The following MAPT variants were observed in gnomAD, a reference collection of about 807,000 sequenced individuals.
The protein encoded by MAPT is microtubule-associated protein tau.
MAPT carries 34 observed loss-of-function variants against 67.9 expected under a neutral mutation model. The ratio of observed to expected loss-of-function variants is 0.50; its 90% CI spans 0.38 to 0.67. The LOEUF (loss-of-function observed/expected upper bound fraction) is 0.67, where lower values mean the gene tolerates loss of function less well. Ranked by LOEUF, MAPT falls within the 30% of genes least tolerant of loss-of-function variation. The pLI is 0.00. For missense variants in MAPT, 881 were observed against 1,115.2 expected (o/e 0.79, Z 2.99); for synonymous variants, 456 against 464.5 (o/e 0.98, Z 0.23).
At chr17:46,014,126 C>T in intron 10 of MAPT, 117 bp from the exon 11 acceptor site, 1 of 717,952 alleles carries the variant, frequency 1.4e-6, no homozygotes, top group East Asian at 2.7e-5. Flanking sequence ...TGGGCTTACA[C>T]AGCTGCTTCT....
chr17:45,920,750 G>A (rs1378413512), intron 1 of MAPT, among the ~76,000 whole-genome samples: 1 of 152,156 alleles, frequency 6.6e-6, no homozygotes, highest in Non-Finnish European at 1.5e-5. Flanking sequence ...TAACCATAGA[G>A]GACATTTCTG....
At position 45,899,872 on chromosome 17, in the gene MAPT, A is replaced by G. The variant is rs1353690873; in HGVS notation, c.-18+5186A>G. On this transcript the variant is annotated intron_variant, in intron 1 of 12. Transcript: ENST00000262410. ...TAAGGTCCTTAAACCTCTTCCCCCA[A>G]TCCAGGGTTTCTGGACTGCTCTGCC... Among the ~76,000 whole-genome samples, 4 of 152,048 alleles carry G rather than the reference A, an allele frequency of 2.6e-5. No homozygotes were observed. The East Asian group carries it at 5.8e-4, about 22-fold the overall frequency.
At chr17:45,992,631 G>A (rs967247181) in intron 8 of MAPT, among the ~76,000 whole-genome samples, 6 of 152,182 alleles carry the variant, frequency 3.9e-5, no homozygotes, top group African/African-American at 1.4e-4. Flanking sequence ...GCTCATGCCT[G>A]TAATCCCAGC....
chr17:45,922,520 G>C (rs1227437675), intron 1 of MAPT, among the ~76,000 whole-genome samples: 3 of 97,042 alleles, frequency 3.1e-5, no homozygotes, highest in Non-Finnish European at 7.4e-5. Context: ...CACACACACA[G>C]AGTGGTCTTA....
chr17:46,022,490 G>GA (rs113139571), intron 12 of MAPT, among the ~76,000 whole-genome samples: 1 of 151,712 alleles, frequency 6.6e-6, no homozygotes, highest in Non-Finnish European at 1.5e-5. Context: ...GCCCATTCAA[G>GA]CCCCTGCAAT....
rs183922637 is a variant in MAPT, at chr17:45,947,622, A to G, written c.-17-14699A>G. 3.3e-3 allele frequency among the ~76,000 whole-genome samples: 508 copies of G among 152,100 alleles called. 1 individual carries two copies. Among genetic ancestry groups the G allele is most frequent in the African/African-American group, 0.012 (481 of 41,480 alleles). On this transcript the variant is annotated intron_variant, in intron 1 of 12. Coordinates refer to ENST00000262410, the MANE Select transcript of MAPT (RefSeq NM_001377265.1). ...AGGCTGGTCTCGAACTCCTGACCTC[A>G]GATGATTCACCCACCTCGGCCTCCC...
At chr17:46,021,301 G>A (rs1339111702) in intron 12 of MAPT, among the ~76,000 whole-genome samples, 1 of 152,204 alleles carries the variant, frequency 6.6e-6, no homozygotes, top group African/African-American at 2.4e-5. Flanking sequence ...AACGAGGAGG[G>A]ACCAGGAGGC....
chr17:46,020,677 C>G (rs1456725923), intron 12 of MAPT, among the ~76,000 whole-genome samples: 1 of 152,132 alleles, frequency 6.6e-6, no homozygotes, highest in Non-Finnish European at 1.5e-5. Flanking sequence ...GAGAAAAGAG[C>G]TTGTGCAGGG....
At chr17:45,961,868 C>G (rs1262790524) in intron 1 of MAPT, among the ~76,000 whole-genome samples, 2 of 151,912 alleles carry the variant, frequency 1.3e-5, no homozygotes, top group African/African-American at 2.4e-5. Flanking sequence ...CTCCACCTGC[C>G]AGGTTCAATT....
intron 10 of MAPT, among the ~76,000 whole-genome samples, chr17:46,011,573 C>G (rs2075822117): frequency 6.6e-6 from 1 of 152,180 alleles, no homozygotes. Flanking sequence ...TCTATGTCGA[C>G]TGGGCACCCG....
At chr17:45,974,574 G>A (rs1161146404) in intron 3 of MAPT, 1 of 913,882 alleles carries the variant, frequency 1.1e-6, no homozygotes, top group Non-Finnish European at 1.7e-6. Context: ...ATCCTCCTGT[G>A]GGGCAGGAAC....
At chr17:46,017,208 G>T (rs746032900) in intron 11 of MAPT, among the ~76,000 whole-genome samples, 20 of 152,190 alleles carry the variant, frequency 1.3e-4, no homozygotes, top group Non-Finnish European at 2.6e-4. Context: ...AAGTCCTGTG[G>T]GCTGTCTCTT....
At chr17:45,911,767 A>AAAAC (rs920932504) in intron 1 of MAPT, among the ~76,000 whole-genome samples, 2 of 148,066 alleles carry the variant, frequency 1.4e-5, no homozygotes, top group African/African-American at 4.8e-5. Context: ...TGCTCTCAAA[A>AAAAC]AAACAAACAA....
rs17572893 is a variant in MAPT, at chr17:45,986,842, G to A, written c.1352-198G>A. Reference sequence around the variant, plus strand: ...CCCTCTTGCCAGGTTGCGCTAATCAGTGACCCCAGTGTGCTGTGTTGATAC... The same window carrying A: ...CCCTCTTGCCAGGTTGCGCTAATCAATGACCCCAGTGTGCTGTGTTGATAC... On this transcript the variant is annotated intron_variant, in intron 5 of 12. Transcript: ENST00000262410. Among the ~76,000 whole-genome samples, 22,057 of 152,236 alleles carry A rather than the reference G, an allele frequency of 0.14. 2,144 individuals carry two copies. The highest frequency in any genetic ancestry group is 0.22 in the Non-Finnish European group (14,743 of 68,010).
chr17:45,942,385 C>T (rs1470654480), intron 1 of MAPT, among the ~76,000 whole-genome samples: 1 of 152,216 alleles, frequency 6.6e-6, no homozygotes, highest in Non-Finnish European at 1.5e-5. Context: ...CAGGGTGTCA[C>T]GGGACCAGGG....
Position 45,990,041 on chromosome 17 carries a change from C to T in MAPT, c.1571C>T (p.Thr524Ile), listed in dbSNP as rs1401903524. The T allele has an allele frequency of 6.2e-7, 1 of 1,614,184 alleles. No individual in the cohort carries two copies. Among genetic ancestry groups the T allele is most frequent in the Non-Finnish European group, 8.5e-7 (1 of 1,180,046 alleles). Reference protein sequence around the residue: ...PKYVSSVTSRTGSSGAKEMKL... With the variant: ...PKYVSSVTSRIGSSGAKEMKL... ...TACGTCTCTTCTGTCACTTCCCGAACTGGCAGTTCTGGAGCAAAGGAGATG... is the reference window on the plus strand; with the variant it reads ...TACGTCTCTTCTGTCACTTCCCGAATTGGCAGTTCTGGAGCAAAGGAGATG... Residue 524 changes from threonine to isoleucine, a missense_variant, in exon 7 of 13, where the codon ACT (threonine) becomes ATT (isoleucine). Physicochemically the swap from Thr to Ile is moderately conservative, Grantham distance 89 (BLOSUM62 -1). Around this residue, in one of 6 missense-constraint regions of MAPT, gnomAD observed 687 missense variants for 766.1 expected, o/e 0.90. Coordinates refer to ENST00000262410, the MANE Select transcript of MAPT (RefSeq NM_001377265.1).
chr17:45,954,125 G>A (rs2069367279), intron 1 of MAPT, among the ~76,000 whole-genome samples: 1 of 152,156 alleles, frequency 6.6e-6, no homozygotes, highest in African/African-American at 2.4e-5. Context: ...TTAAGTGGTT[G>A]AAAAATGAAA....
intron 9 of MAPT, among the ~76,000 whole-genome samples, chr17:46,008,431 G>A (rs2075598818): frequency 6.6e-6 from 1 of 152,112 alleles, no homozygotes; most frequent in Non-Finnish European, 1.5e-5. Flanking sequence ...AATTGCATGT[G>A]CACAATAATT....
intron 11 of MAPT, among the ~76,000 whole-genome samples, chr17:46,014,687 A>C (rs1262152231): frequency 1.3e-5 from 2 of 152,160 alleles, no homozygotes; most frequent in African/African-American, 4.8e-5. Flanking sequence ...ATCCTGGCTA[A>C]CACAGTGAAA....
Sources: allele counts gnomAD v4.1 joint callset (sites outside exome capture counted in the v4.1 genomes callset), GRCh38; gene constraint gnomAD v4.1.1; regional missense constraint gnomAD v4.1.1; transcripts MANE v1.5; gene names NCBI Gene and HGNC (gene_info 2026-07-23, HGNC 2026-07-21).